The following ZNF567 variants were observed in gnomAD, a reference collection of about 807,000 sequenced individuals.
ZNF567 encodes the protein zinc finger protein 567.
Under a neutral mutation model 53.9 loss-of-function variants are expected in ZNF567, and 36 were observed. The observed-to-expected ratio is 0.67, with a 90% CI of 0.51 to 0.88. ZNF567 has a LOEUF of 0.88. Among genes scored for constraint, ZNF567 ranks in the 40% least tolerant of loss-of-function variants. ZNF567 has a pLI of 0.00. For missense variants in ZNF567, 619 were observed against 764.7 expected, an observed-to-expected ratio of 0.81 and a Z score of 2.25; for synonymous variants, 224 against 260.4, an observed-to-expected ratio of 0.86 and a Z score of 1.35.
At chr19:36,726,962 TTC>T (rs2040336866), downstream of ZNF567, 1 of 129,964 alleles carries the variant, frequency 7.7e-6, no homozygotes, top group Non-Finnish European at 1.6e-5. Flanking sequence ...TGTTTTGAGT[TTC>T]TTTCTTTCTT....
chr19:36,668,484 G>C, the ZNF567 span: 1 of 152,336 alleles, frequency 6.6e-6, no homozygotes, highest in Non-Finnish European at 1.5e-5. Flanking sequence ...ATGATTAGAG[G>C]ACTAGTGTGA....
chr19:36,672,997 A>G, the ZNF567 span, among the ~76,000 whole-genome samples: 1 of 152,268 alleles, frequency 6.6e-6, no homozygotes, highest in African/African-American at 2.4e-5. Flanking sequence ...ATGAATGTGT[A>G]TACAACACAG....
chr19:36,687,869 G>C (rs11084862), intron 1 of ZNF567, among the ~76,000 whole-genome samples: 95,173 of 152,064 alleles, frequency 0.63, 29,910 homozygotes, highest in East Asian at 0.8. Context: ...CCGGTTGCCC[G>C]AGGCGGGGGG....
At chr19:36,709,948 A>G (rs1004124643) in intron 3 of ZNF567, among the ~76,000 whole-genome samples, 1 of 152,180 alleles carries the variant, frequency 6.6e-6, no homozygotes, top group African/African-American at 2.4e-5. Flanking sequence ...TTTTAGGGTT[A>G]ATTAAACTCC....
In ZNF567 at chr19:36,720,286, A is replaced by G. The variant is rs761258370; in HGVS notation, c.1562A>G (p.Asn521Ser). ...TCATTCAGTCAAAAGACAAATCTCA[A>G]TCTACATCAGAGAATTCATACAGGG... ...GKSFSQKTNL[N>S]LHQRIHTGEK... is the part of the protein sequence containing the mutation. Residue 521 changes from asparagine to serine, a missense_variant, in exon 6 of 6, where the codon AAT becomes AGT. Asn to Ser is a conservative substitution (Grantham distance 46, BLOSUM62 1). Coordinates refer to ENST00000682579, the MANE Select transcript of ZNF567 (RefSeq NM_001322917.1). The G allele has an allele frequency of 2.4e-5, 38 of 1,612,610 alleles. No individual in the cohort carries two copies. Among genetic ancestry groups the G allele is most frequent in the Non-Finnish European group, 3.1e-5 (36 of 1,179,644 alleles).
Position 36,694,787 on chromosome 19 carries a change from G to T in ZNF567, c.-66-15G>T, listed in dbSNP as rs2038793541. ...GTCTCATGTGGCTTTTTTTGTCTCG[G>T]CTTTGCCTCCTTAGGAACTGCCTCT... is the stretch of plus-strand genomic sequence containing the variant. On this transcript the variant is annotated splice_polypyrimidine_tract_variant and intron_variant, in intron 2 of 5. Coordinates refer to ENST00000682579, the MANE Select transcript of ZNF567 (RefSeq NM_001322917.1). 1 of 1,416,504 alleles carries T rather than the reference G, an allele frequency of 7.1e-7. No homozygotes were observed. The highest frequency in any genetic ancestry group is 1.5e-5 in the African/African-American group (1 of 68,262). 87.7% of individuals were successfully genotyped at this position (1,416,504 alleles called of 1,614,324 possible).
chr19:36,717,074 G>A (rs1043625959), intron 5 of ZNF567, among the ~76,000 whole-genome samples: 3 of 151,956 alleles, frequency 2.0e-5, no homozygotes, highest in African/African-American at 4.8e-5. Context: ...TGATCTGCCC[G>A]CTTCGGCTTG....
chr19:36,668,354 A>T, the ZNF567 span: 1 of 152,250 alleles, frequency 6.6e-6, no homozygotes, highest in African/African-American at 2.4e-5. Context: ...GTGATACGTG[A>T]TGTGGCTTAA....
upstream of ZNF567, chr19:36,686,011 G>A (rs1479051561): frequency 6.6e-6 from 1 of 152,202 alleles, no homozygotes; most frequent in Non-Finnish European, 1.5e-5. Flanking sequence ...TTCAGTCATG[G>A]TGGTCTCAGG....
intron 3 of ZNF567, among the ~76,000 whole-genome samples, chr19:36,699,506 CT>C (rs1300726136): frequency 1.3e-5 from 2 of 152,150 alleles, no homozygotes; most frequent in African/African-American, 4.8e-5. Flanking sequence ...TATAAATTAC[CT>C]TGGTCAGTAT....
At chr19:36,699,830 A>G (rs2039081111) in intron 3 of ZNF567, among the ~76,000 whole-genome samples, 1 of 148,688 alleles carries the variant, frequency 6.7e-6, no homozygotes, top group Non-Finnish European at 1.5e-5. Context: ...GGGCTGAGAC[A>G]ATGGGGTTTT....
At chr19:36,717,847 A>T (rs572453819) in intron 5 of ZNF567, among the ~76,000 whole-genome samples, 2 of 152,338 alleles carry the variant, frequency 1.3e-5, no homozygotes, top group African/African-American at 2.4e-5. Context: ...ATGTTACTGC[A>T]TTGGGGAAGG....
chr19:36,702,570 C>T (rs1471600309), intron 3 of ZNF567, among the ~76,000 whole-genome samples: 1 of 152,056 alleles, frequency 6.6e-6, no homozygotes, highest in African/African-American at 2.4e-5. Flanking sequence ...ACCAATCAGA[C>T]GTAGATTTGG....
At chr19:36,701,599 C>T (rs2039189619) in intron 3 of ZNF567, among the ~76,000 whole-genome samples, 1 of 152,020 alleles carries the variant, frequency 6.6e-6, no homozygotes, top group Non-Finnish European at 1.5e-5. Flanking sequence ...CTTTATGCAT[C>T]TGGGTGCTCC....
downstream of ZNF567, among the ~76,000 whole-genome samples, chr19:36,725,284 C>T (rs1363680705): frequency 4.6e-5 from 7 of 151,078 alleles, no homozygotes; most frequent in African/African-American, 1.7e-4. Context: ...CTCACTGCAA[C>T]CTCCACCTCC....
chr19:36,724,909 T>G (rs1465712099), downstream of ZNF567, among the ~76,000 whole-genome samples: 5 of 152,048 alleles, frequency 3.3e-5, no homozygotes, highest in African/African-American at 1.2e-4. Flanking sequence ...CTTATTTTCC[T>G]TCAAAAAATT....
intron 3 of ZNF567, among the ~76,000 whole-genome samples, chr19:36,696,536 T>A (rs2038898162): frequency 6.6e-6 from 1 of 152,180 alleles, no homozygotes; most frequent in South Asian, 2.1e-4. Context: ...CCAATCTGGT[T>A]AGGGCCCCAA....
chr19:36,714,853 A>G (rs893413607), intron 5 of ZNF567, among the ~76,000 whole-genome samples: 1 of 152,204 alleles, frequency 6.6e-6, no homozygotes, highest in Non-Finnish European at 1.5e-5. Context: ...TGCTTGGCAT[A>G]TAATAGTCAT....
chr19:36,705,583 GCA>G (rs1229570687), intron 3 of ZNF567, among the ~76,000 whole-genome samples: 1 of 152,132 alleles, frequency 6.6e-6, no homozygotes, highest in African/African-American at 2.4e-5. Flanking sequence ...TTCTTTTATA[GCA>G]CAGAGTACAG....
Sources: allele counts gnomAD v4.1 joint callset (sites outside exome capture counted in the v4.1 genomes callset), GRCh38; gene constraint gnomAD v4.1.1; transcripts MANE v1.5; gene names NCBI Gene and HGNC (gene_info 2026-07-23, HGNC 2026-07-21).